MMP8: variants seen among roughly 807,000 people sequenced by gnomAD.
MMP8 encodes the protein matrix metallopeptidase 8, also known as neutrophil collagenase.
A neutral mutation model predicts 51.2 loss-of-function variants in MMP8; 67 were observed. That is an observed-to-expected ratio of 1.31 (90% CI 1.08 to 1.60). The LOEUF is 1.60. Ranked by LOEUF, MMP8 falls within the 40% of genes most tolerant of loss-of-function variation. The probability of loss-of-function intolerance (pLI) is 0.00; values close to 1 mark genes in which losing one functional copy is unlikely to be tolerated. For synonymous variants in MMP8, 225 were observed against 191.0 expected, an observed-to-expected ratio of 1.18 and a Z score of -1.47; for missense variants, 654 against 558.1, an observed-to-expected ratio of 1.17 and a Z score of -1.73.
At chr11:102,720,548 C>T (rs1054789780) in intron 4 of MMP8, among the ~76,000 whole-genome samples, 3 of 152,146 alleles carry the variant, frequency 2.0e-5, no homozygotes, top group Admixed American at 6.5e-5. Context: ...TAAAAGGTGC[C>T]TTTCTGATTA....
Position 102,714,644 on chromosome 11 carries a change from A to G in MMP8, c.1102T>C (p.Tyr368His). Residue 368 changes from tyrosine (Y) to histidine (H), a missense_variant, in exon 8 of 10, where the codon TAT (tyrosine) becomes CAT (histidine). By Grantham distance (83) the Tyr-to-His change is moderately conservative. Coordinates refer to ENST00000236826, the MANE Select transcript of MMP8 (RefSeq NM_002424.3). ...LQGYPKDISN[Y>H]GFPSSVQAID... ...GCTTGGACGCTGCTGGGGAAGCCAT[A>G]GTTTGATATATCCTTGGGATAACCT... 1 of 1,556,568 alleles carries G rather than the reference A, an allele frequency of 6.4e-7. No homozygotes were observed. Among genetic ancestry groups the G allele is most frequent in the Non-Finnish European group, 8.7e-7 (1 of 1,154,642 alleles).
intron 2 of MMP8, among the ~76,000 whole-genome samples, chr11:102,721,974 G>A (rs912187646): frequency 1.3e-5 from 2 of 152,130 alleles, no homozygotes; most frequent in Admixed American, 1.3e-4. Context: ...TTCATAAAAT[G>A]AGGATACTAA....
chr11:102,714,774 A>G (rs1187933306), intron 7 of MMP8, 65 bp from the exon 8 acceptor site: 3 of 100,062 alleles, frequency 3.0e-5, no homozygotes, highest in Non-Finnish European at 5.8e-5. Context: ...ATATATATAT[A>G]TATATATATA....
chr11:102,716,157 G>A (rs1412930960), intron 6 of MMP8, 145 bp downstream of exon 6: 1 of 533,998 alleles, frequency 1.9e-6, no homozygotes, highest in African/African-American at 1.9e-5. Flanking sequence ...AATCCTAGTG[G>A]TGCCCCAGAA....
Position 102,713,845 on chromosome 11 carries a change from T to C in MMP8, c.1203A>G (p.Gln401=). 1 of 1,609,468 alleles carries C rather than the reference T, an allele frequency of 6.2e-7. No individual in the cohort carries two copies. The highest frequency in any genetic ancestry group is 2.2e-5 in the East Asian group (1 of 44,734). The change falls in exon 9 of 10, where the codon CAA becomes CAG. Residue 401 remains glutamine, a synonymous_variant. Coordinates refer to ENST00000236826, the MANE Select transcript of MMP8 (RefSeq NM_002424.3). ...GATAACCTGGCTCCATGAATTGTCT[T>C]TGGTTATCATATCTGGTAAAAACAA... is the stretch of plus-strand genomic sequence containing the variant. ...VNDQFWRYDN[Q]RQFMEPGYPK...
chr11:102,721,334 G>T lies in MMP8; in HGVS notation c.622+67C>A, dbSNP rs184800900. The T allele has an allele frequency of 3.1e-4, 494 of 1,568,570 alleles. 3 individuals carry two copies. Among genetic ancestry groups the T allele is most frequent in the Admixed American group, 6.4e-4 (38 of 59,220 alleles). On this transcript the variant is annotated intron_variant, in intron 4 of 9. Coordinates refer to ENST00000236826, the MANE Select transcript of MMP8 (RefSeq NM_002424.3). ...TTACCTTTATTGTGTGTGTGTGTGTGTGTGTATTCTAATCTGTAAAAGGTT... is the reference window on the plus strand; with the variant it reads ...TTACCTTTATTGTGTGTGTGTGTGTTTGTGTATTCTAATCTGTAAAAGGTT...
chr11:102,719,179 AG>A (rs1316042935), intron 4 of MMP8, among the ~76,000 whole-genome samples: 2 of 152,170 alleles, frequency 1.3e-5, no homozygotes, highest in East Asian at 3.9e-4. Flanking sequence ...AACTTCCATG[AG>A]CATAGTGCCG....
rs747841955 is a variant in MMP8, at chr11:102,714,646, T to A, written c.1100A>T (p.Asn367Ile). 6.4e-7 allele frequency: 1 copy of A among 1,556,980 alleles called. No individual in the cohort carries two copies. The highest frequency in any genetic ancestry group is 1.2e-5 in the South Asian group (1 of 81,906). ...ILQGYPKDIS[N>I]YGFPSSVQAI... is the part of the protein sequence containing the mutation. Reference sequence around the variant, plus strand: ...TTGGACGCTGCTGGGGAAGCCATAGTTTGATATATCCTTGGGATAACCTTG... The same window carrying A: ...TTGGACGCTGCTGGGGAAGCCATAGATTGATATATCCTTGGGATAACCTTG... Residue 367 changes from asparagine to isoleucine, a missense_variant, in exon 8 of 10, where the codon AAC becomes ATC. Transcript: ENST00000236826.
Position 102,713,217 on chromosome 11 carries a change from G to T in MMP8, c.*131C>A. 1 of 644,648 alleles carries T rather than the reference G, an allele frequency of 1.6e-6. No homozygotes were observed. The highest frequency in any genetic ancestry group is 1.9e-5 in the South Asian group (1 of 52,960). The allele number at this position is 644,648 out of a possible 1,614,324, so 39.9% of individuals were successfully genotyped here. ...AACATATTTTCACGGAGGACAGGTA[G>T]AATGGATACAGTGATGGGAAACAAT... On this transcript the variant is annotated 3_prime_UTR_variant, in exon 10 of 10. Coordinates refer to ENST00000236826, the MANE Select transcript of MMP8 (RefSeq NM_002424.3).
chr11:102,712,067 C>CA lies in MMP8; in HGVS notation c.*1280dup, dbSNP rs74934068. ...GTCCCATAAATCCTATAGTTCTTAA[C>CA]AAAAAAACCCATCCGTTAGCAAACT... On this transcript the variant is annotated 3_prime_UTR_variant, in exon 10 of 10. Coordinates refer to ENST00000236826, the MANE Select transcript of MMP8 (RefSeq NM_002424.3). The CA allele has an allele frequency of 2.8e-4, 43 of 152,230 alleles. No homozygotes were observed. The East Asian group carries it at 6.8e-3, about 24-fold the overall frequency. The allele number at this position is 152,230 out of a possible 1,614,324, so 9.4% of individuals were successfully genotyped here.
chr11:102,718,445 T>G lies in MMP8; in HGVS notation c.753A>C (p.Gln251His). The change falls in exon 5 of 10, where the codon CAA becomes CAC. Residue 251 changes from glutamine to histidine, a missense_variant. Physicochemically the swap from Gln to His is conservative, Grantham distance 24. Coordinates refer to ENST00000236826, the MANE Select transcript of MMP8 (RefSeq NM_002424.3). ...TGGCCTGAATGCCATCGATGTCATC[T>G]TGAGGGAGTGAGTAGTTGCTGGTTT... ...FRETSNYSLP[Q>H]DDIDGIQAIY... The G allele has an allele frequency of 1.2e-6, 2 of 1,613,222 alleles. No homozygotes were observed. The highest frequency in any genetic ancestry group is 1.7e-6 in the Non-Finnish European group (2 of 1,179,620).
rs775469638 is a variant in MMP8 at position 102,715,358 on chromosome 11, C to T, written c.982G>A (p.Gly328Ser). 4 of 1,613,332 alleles carry T rather than the reference C, an allele frequency of 2.5e-6. No homozygotes were observed. In the East Asian group the frequency reaches 8.9e-5, roughly 36 times the overall value. Residue 328 changes from glycine (G) to serine (S), a missense_variant, in exon 7 of 10, where the codon GGT becomes AGT. Gly to Ser is a moderately conservative substitution (Grantham distance 56). Transcript: ENST00000236826. Reference protein sequence around the residue: ...ISLFWPSLPTGIQAAYEDFDR... With the variant: ...ISLFWPSLPTSIQAAYEDFDR... ...AAATCTTCATAAGCAGCCTGTATAC[C>T]AGTTGGAAGGGATGGCCAGAATAGA... is the stretch of plus-strand genomic sequence containing the variant.
chr11:102,713,769 C>T lies in MMP8; in HGVS notation c.1279G>A (p.Val427Ile). The T allele has an allele frequency of 1.2e-6, 2 of 1,603,274 alleles. No homozygotes were observed. Among genetic ancestry groups the T allele is most frequent in the Non-Finnish European group, 1.7e-6 (2 of 1,176,040 alleles). ...TCCTACTTACGTTCTTGCTGGAAAA[C>T]TGCATCAACTTTACTCTCTATTCCT... Reference protein sequence around the residue: ...FPGIESKVDAVFQQEHFFHVF... With the variant: ...FPGIESKVDAIFQQEHFFHVF... The change falls in exon 9 of 10, where the codon GTT (valine) becomes ATT (isoleucine). Residue 427 changes from valine to isoleucine, a missense_variant. Physicochemically the swap from Val to Ile is conservative, Grantham distance 29. Coordinates refer to ENST00000236826, the MANE Select transcript of MMP8 (RefSeq NM_002424.3).
In MMP8 at chr11:102,721,308, G is replaced by T; in HGVS notation, c.622+93C>A. On this transcript the variant is annotated intron_variant, in intron 4 of 9. Transcript: ENST00000236826. ...ACTTTTTGTGAGTTTGAAATATTAT[G>T]TTACCTTTATTGTGTGTGTGTGTGT... The T allele has an allele frequency of 4.9e-6, 7 of 1,430,636 alleles. No individual in the cohort carries two copies. In the South Asian group the frequency reaches 5.6e-5, roughly 11 times the overall value. 88.6% of individuals were successfully genotyped at this position (1,430,636 alleles called of 1,614,324 possible). A position where few individuals can be genotyped will look rare whatever the true frequency, so the allele number is the denominator to read the frequency against.
chr11:102,714,756 A>G (rs533977942), intron 7 of MMP8, 47 bp from the exon 8 acceptor site: 9 of 520,190 alleles, frequency 1.7e-5, no homozygotes, highest in South Asian at 1.3e-4. Context: ...TTCCATTTTT[A>G]CAAAATTATA....
In MMP8 at chr11:102,722,713, G is replaced by C. The variant is rs1438848254; in HGVS notation, c.103-40C>G. The C allele has an allele frequency of 1.9e-6, 3 of 1,605,960 alleles. No individual in the cohort carries two copies. In the South Asian group the frequency reaches 3.3e-5, roughly 18 times the overall value. On this transcript the variant is annotated intron_variant, in intron 1 of 9. Coordinates refer to ENST00000236826, the MANE Select transcript of MMP8 (RefSeq NM_002424.3). Reference sequence around the variant, plus strand: ...GCACATAGGGGTCTTGCTGTGAAAGGACCTCCAGTTCTCTGGTCATTTTGC... The same window carrying C: ...GCACATAGGGGTCTTGCTGTGAAAGCACCTCCAGTTCTCTGGTCATTTTGC...
chr11:102,713,486 A>G (rs754595099), intron 9 of MMP8, 29 bp from the exon 10 acceptor site: 2 of 1,534,698 alleles, frequency 1.3e-6, no homozygotes, highest in Admixed American at 3.3e-5. Flanking sequence ...AATTTATTGA[A>G]TTAGCTTATA....
intron 4 of MMP8, among the ~76,000 whole-genome samples, chr11:102,719,883 G>T (rs949754795): frequency 1.3e-4 from 20 of 152,200 alleles, no homozygotes; most frequent in African/African-American, 4.6e-4. Context: ...AAAGCTGTCA[G>T]AATTCTGCAG....
At chr11:102,714,870 A>G (rs1861241243) in intron 7 of MMP8, among the ~76,000 whole-genome samples, 161 bp from the exon 8 acceptor site, 1 of 149,896 alleles carries the variant, frequency 6.7e-6, no homozygotes, top group Non-Finnish European at 1.5e-5. Context: ...GATGAAGATG[A>G]TAAAGTTAAG....
Sources: gnomAD v4.1 joint callset for allele counts (sites outside exome capture counted in the v4.1 genomes callset) on GRCh38, gnomAD v4.1.1 for gene constraint, MANE v1.5 for transcripts, NCBI Gene and HGNC (gene_info 2026-07-23, HGNC 2026-07-21) for gene names.